The following SDK1 variants were observed in gnomAD, a reference collection of about 807,000 sequenced individuals.
The protein encoded by SDK1 is sidekick cell adhesion molecule 1, also known as protein sidekick-1.
Under a neutral mutation model 245.5 loss-of-function variants are expected in SDK1, and 157 were observed. The ratio of observed to expected loss-of-function variants is 0.64; its 90% CI spans 0.56 to 0.73. The LOEUF is 0.73. Ranked by LOEUF, SDK1 falls within the 30% of genes least tolerant of loss-of-function variation. The pLI is 0.00. For synonymous variants in SDK1, 1,647 were observed against 1,278.5 expected, an observed-to-expected ratio of 1.29 and a Z score of -6.15; for missense variants, 3,583 against 3,002.3, an observed-to-expected ratio of 1.19 and a Z score of -4.52.
At chr7:3,833,268 C>A (rs766295999) in intron 5 of SDK1, among the ~76,000 whole-genome samples, 9 of 152,098 alleles carry the variant, frequency 5.9e-5, no homozygotes, top group Non-Finnish European at 1.2e-4. Context: ...CCGGCTGGCC[C>A]CGTGCGGTAG....
chr7:3,971,714 G>T, intron 12 of SDK1, 146 bp downstream of exon 12: 1 of 659,090 alleles, frequency 1.5e-6, no homozygotes, highest in South Asian at 1.7e-5. Flanking sequence ...TGTGGGCACC[G>T]TCATTAATCA....
chr7:3,771,877 G>T (rs1299083984), intron 4 of SDK1, among the ~76,000 whole-genome samples: 1 of 152,150 alleles, frequency 6.6e-6, no homozygotes, highest in Non-Finnish European at 1.5e-5. Flanking sequence ...TCATCTTGCA[G>T]AACTGAAATG....
chr7:3,489,429 ACTCCTGT>A (rs1781802508), intron 1 of SDK1, among the ~76,000 whole-genome samples: 1 of 151,916 alleles, frequency 6.6e-6, no homozygotes. Context: ...ATAAAATTCT[ACTCCTGT>A]TAGTATATCA....
intron 1 of SDK1, among the ~76,000 whole-genome samples, chr7:3,504,402 A>G (rs1389183518): frequency 6.6e-6 from 1 of 152,024 alleles, no homozygotes; most frequent in Non-Finnish European, 1.5e-5. Context: ...CATATTTTCC[A>G]ATTTCAAACT....
At chr7:3,474,096 T>TG (rs1193817271) in intron 1 of SDK1, among the ~76,000 whole-genome samples, 5 of 117,622 alleles carry the variant, frequency 4.3e-5, no homozygotes, top group African/African-American at 1.9e-4. Context: ...ATGGTGTTTT[T>TG]TTTTTTTTTT....
At chr7:4,020,966 T>A (rs1035973225) in intron 17 of SDK1, among the ~76,000 whole-genome samples, 1 of 152,210 alleles carries the variant, frequency 6.6e-6, no homozygotes, top group Non-Finnish European at 1.5e-5. Flanking sequence ...GTTTTTCCAC[T>A]GTGATGAAGA....
At chr7:4,043,965 T>C (rs1283334170) in intron 17 of SDK1, among the ~76,000 whole-genome samples, 1 of 152,230 alleles carries the variant, frequency 6.6e-6, no homozygotes, top group Non-Finnish European at 1.5e-5. Context: ...TCCCTTTTCT[T>C]CCTTTTTCTC....
At chr7:3,849,222 T>G (rs988660382) in intron 5 of SDK1, among the ~76,000 whole-genome samples, 4 of 152,202 alleles carry the variant, frequency 2.6e-5, no homozygotes, top group African/African-American at 9.7e-5. Flanking sequence ...ACTACATGTC[T>G]TCAGGATGCT....
chr7:3,686,419 A>G (rs1784282479), intron 4 of SDK1, among the ~76,000 whole-genome samples: 1 of 152,182 alleles, frequency 6.6e-6, no homozygotes. Flanking sequence ...CGTCTGTATT[A>G]ACATCAGACA....
chr7:3,969,974 T>A (rs1782361114), intron 11 of SDK1, among the ~76,000 whole-genome samples: 1 of 152,180 alleles, frequency 6.6e-6, no homozygotes, highest in Non-Finnish European at 1.5e-5. Flanking sequence ...TGAAAGAAAA[T>A]CTTCAGCTTT....
At chr7:3,455,558 G>C (rs1306977219) in intron 1 of SDK1, among the ~76,000 whole-genome samples, 1 of 151,950 alleles carries the variant, frequency 6.6e-6, no homozygotes, top group African/African-American at 2.4e-5. Flanking sequence ...GCCCTGAATT[G>C]CTTTTTCATC....
chr7:4,243,510 G>A (rs561008517), intron 43 of SDK1, among the ~76,000 whole-genome samples: 12 of 152,322 alleles, frequency 7.9e-5, no homozygotes, highest in African/African-American at 2.9e-4. Context: ...ACATGGCTGG[G>A]GAGACCTCAC....
intron 5 of SDK1, among the ~76,000 whole-genome samples, chr7:3,923,081 T>C (rs898833098): frequency 1.6e-4 from 25 of 152,254 alleles, no homozygotes; most frequent in Non-Finnish European, 2.2e-4. Flanking sequence ...TGTATTCTCA[T>C]CTGAAAGTAG....
chr7:4,090,968 C>T (rs965437229), intron 22 of SDK1, among the ~76,000 whole-genome samples: 14 of 152,150 alleles, frequency 9.2e-5, no homozygotes, highest in African/African-American at 3.4e-4. Context: ...TTGCTGAATT[C>T]CACTCTATGT....
intron 5 of SDK1, among the ~76,000 whole-genome samples, chr7:3,880,349 T>C (rs924973747): frequency 2.0e-5 from 3 of 151,702 alleles, no homozygotes; most frequent in African/African-American, 7.3e-5. Context: ...GGTCAACAGG[T>C]GAGAAGGGCC....
chr7:4,197,298 GA>G (rs201144297), intron 35 of SDK1, among the ~76,000 whole-genome samples: 6 of 123,974 alleles, frequency 4.8e-5, no homozygotes, highest in East Asian at 2.0e-4. Context: ...CCTCATCTCT[GA>G]AAAAAAAAAG....
intron 1 of SDK1, among the ~76,000 whole-genome samples, chr7:3,324,467 A>G (rs1779893737): frequency 6.6e-6 from 1 of 152,118 alleles, no homozygotes; most frequent in African/African-American, 2.4e-5. Context: ...CAAAAAGCCG[A>G]TGTGTAAAAT....
intron 5 of SDK1, among the ~76,000 whole-genome samples, chr7:3,832,702 A>G (rs1051073786): frequency 8.5e-5 from 13 of 152,220 alleles, no homozygotes; most frequent in African/African-American, 1.9e-4. Context: ...CTGGAGATGT[A>G]GATTCTTTCT....
At chr7:3,964,956 G>T (rs1781981603) in intron 9 of SDK1, among the ~76,000 whole-genome samples, 2 of 152,212 alleles carry the variant, frequency 1.3e-5, no homozygotes, top group African/African-American at 4.8e-5. Flanking sequence ...AAATAATATG[G>T]AATGCTCAAG....
Sources: allele counts gnomAD v4.1 joint callset (sites outside exome capture counted in the v4.1 genomes callset), GRCh38; gene constraint gnomAD v4.1.1; transcripts MANE v1.5; gene names NCBI Gene and HGNC (gene_info 2026-07-23, HGNC 2026-07-21).